CHLSN: variants seen among roughly 807,000 people sequenced by gnomAD.
The protein encoded by CHLSN is cholesin.
At chr7:1,031,396 G>GGC in the CHLSN span, among the ~76,000 whole-genome samples, 1 of 90,660 alleles carries the variant, frequency 1.1e-5, no homozygotes, top group Admixed American at 1.2e-4. Flanking sequence ...TGGTCCGGGG[G>GGC]GGCAGAGACC....
the CHLSN span, among the ~76,000 whole-genome samples, chr7:1,096,191 G>A: frequency 1.3e-5 from 2 of 152,188 alleles, no homozygotes; most frequent in African/African-American, 4.8e-5. This position sits in a 1 kb window ranked among gnomAD's most constrained non-coding sequence, Gnocchi z 4.6. Flanking sequence ...GCTCCTCTCC[G>A]CCAGGTCTCT....
At chr7:1,095,480 A>G in the CHLSN span, among the ~76,000 whole-genome samples, 29 of 152,170 alleles carry the variant, frequency 1.9e-4, no homozygotes, top group Admixed American at 1.9e-3. Flanking sequence ...CTCTACCACC[A>G]GGCACCCAAC....
chr7:1,007,706 T>C, the CHLSN span, among the ~76,000 whole-genome samples: 11 of 152,162 alleles, frequency 7.2e-5, no homozygotes, highest in South Asian at 2.1e-4. Context: ...TCCCCCCTCC[T>C]CCCACACGCA....
the CHLSN span, among the ~76,000 whole-genome samples, chr7:1,101,666 C>T: frequency 2.6e-5 from 4 of 152,244 alleles, no homozygotes; most frequent in African/African-American, 9.6e-5. Flanking sequence ...AGCACCGGGC[C>T]CTGCCCACGG....
chr7:1,052,907 C>T, the CHLSN span, among the ~76,000 whole-genome samples: 1 of 152,186 alleles, frequency 6.6e-6, no homozygotes, highest in African/African-American at 2.4e-5. This position sits in a 1 kb window ranked among gnomAD's most constrained non-coding sequence, Gnocchi z 4.2. Flanking sequence ...ACAACAAACT[C>T]AGGCTTTCGT....
At chr7:1,122,113 A>G in the CHLSN span, among the ~76,000 whole-genome samples, 1 of 152,234 alleles carries the variant, frequency 6.6e-6, no homozygotes, top group Non-Finnish European at 1.5e-5. Flanking sequence ...AACCAGAGTC[A>G]GAAACCAGGG....
the CHLSN span, among the ~76,000 whole-genome samples, chr7:1,051,227 A>G: frequency 6.6e-6 from 1 of 152,110 alleles, no homozygotes; most frequent in Admixed American, 6.5e-5. Context: ...TCCCATGAAC[A>G]CTGTGTCCCA....
the CHLSN span, chr7:1,009,968 G>C: frequency 1.9e-6 from 3 of 1,564,952 alleles, no homozygotes; most frequent in Non-Finnish European, 2.6e-6. Flanking sequence ...GTAGTCCAGG[G>C]CCAGTTCGGC....
the CHLSN span, among the ~76,000 whole-genome samples, chr7:1,047,677 G>A: frequency 1.3e-5 from 2 of 152,268 alleles, no homozygotes; most frequent in African/African-American, 4.8e-5. Context: ...GTTCGGCCAG[G>A]AGCTGGCCGT....
At chr7:986,715 C>A in the CHLSN span, 12 of 1,612,026 alleles carry the variant, frequency 7.4e-6, no homozygotes, top group East Asian at 2.2e-5. Flanking sequence ...ATTCTGAGGA[C>A]CCTCCTGGAG....
At chr7:1,008,908 AAC>A in the CHLSN span, among the ~76,000 whole-genome samples, 2 of 146,896 alleles carry the variant, frequency 1.4e-5, no homozygotes, top group East Asian at 4.0e-4. Flanking sequence ...ACACGTACAC[AAC>A]ACACGTATAC....
the CHLSN span, among the ~76,000 whole-genome samples, chr7:1,132,054 C>T: frequency 6.6e-6 from 1 of 152,122 alleles, no homozygotes; most frequent in East Asian, 1.9e-4. Flanking sequence ...ACAAAACTAA[C>T]TCAAAATAGA....
the CHLSN span, among the ~76,000 whole-genome samples, chr7:1,011,139 G>A: frequency 7.6e-6 from 1 of 131,988 alleles, no homozygotes; most frequent in South Asian, 2.4e-4. Flanking sequence ...CCTCACCCAT[G>A]TACCCACACC....
At chr7:1,120,199 A>G in the CHLSN span, among the ~76,000 whole-genome samples, 1 of 152,252 alleles carries the variant, frequency 6.6e-6, no homozygotes, top group African/African-American at 2.4e-5. Flanking sequence ...TCAGTATGAC[A>G]AGACAGCACT....
chr7:1,127,346 T>C, the CHLSN span: 11 of 1,609,004 alleles, frequency 6.8e-6, no homozygotes, highest in South Asian at 1.1e-5. Flanking sequence ...TTGTTCTTTT[T>C]CTCTGTCACT....
the CHLSN span, chr7:1,092,145 C>T: frequency 6.2e-7 from 1 of 1,613,598 alleles, no homozygotes; most frequent in Non-Finnish European, 8.5e-7. Flanking sequence ...TCCTGCAGGT[C>T]AACATGTACA....
the CHLSN span, among the ~76,000 whole-genome samples, chr7:1,042,073 C>T: frequency 2.0e-5 from 3 of 151,840 alleles, no homozygotes; most frequent in Non-Finnish European, 4.4e-5. Context: ...ATCCCCCACC[C>T]GCAACACACA....
At chr7:1,027,734 G>C in the CHLSN span, among the ~76,000 whole-genome samples, 1 of 152,244 alleles carries the variant, frequency 6.6e-6, no homozygotes, top group Admixed American at 6.5e-5. Context: ...GCTTCCGAGC[G>C]CCCGACGGGG....
the CHLSN span, among the ~76,000 whole-genome samples, chr7:1,106,399 G>A: frequency 1.3e-5 from 2 of 152,188 alleles, no homozygotes; most frequent in African/African-American, 4.8e-5. Flanking sequence ...GGTGCCGTGT[G>A]GGGGAGAGGA....
Sources: allele counts gnomAD v4.1 joint callset (sites outside exome capture counted in the v4.1 genomes callset), GRCh38; gene constraint gnomAD v4.1.1; non-coding constraint Gnocchi (gnomAD v3.1); transcripts MANE v1.5; gene names NCBI Gene and HGNC (gene_info 2026-07-23, HGNC 2026-07-21).